Variants in ARHGAP10 observed in about 807,000 individuals in gnomAD.
The protein encoded by ARHGAP10 is rho GTPase-activating protein 10.
Under a neutral mutation model 108.6 loss-of-function variants are expected in ARHGAP10, and 87 were observed. The ratio of observed to expected loss-of-function variants is 0.80; its 90% CI spans 0.67 to 0.96. ARHGAP10 has a LOEUF of 0.96. Among genes scored for constraint, ARHGAP10 ranks in the 40% least tolerant of loss-of-function variants. ARHGAP10 has a pLI of 0.00. For synonymous variants in ARHGAP10, 347 were observed against 341.1 expected (o/e 1.02, Z -0.19); for missense variants, 939 against 954.5 (o/e 0.98, Z 0.21).
chr4:147,873,588 G>C (rs1286787480), intron 7 of ARHGAP10, among the ~76,000 whole-genome samples: 1 of 151,786 alleles, frequency 6.6e-6, no homozygotes, highest in African/African-American at 2.4e-5. Flanking sequence ...CAGTGTGGGA[G>C]GCTGAAGCGG....
Position 147,864,635 on chromosome 4 carries a change from C to A in ARHGAP10, c.487-211C>A, listed in dbSNP as rs1308039954. 8.5e-6 allele frequency: 4 copies of A among 470,998 alleles called. No individual in the cohort carries two copies. The Admixed American group carries it at 1.2e-4, about 14-fold the overall frequency. 29.2% of individuals were successfully genotyped at this position (470,998 alleles called of 1,614,324 possible). On this transcript the variant is annotated intron_variant, in intron 5 of 22. Coordinates refer to ENST00000336498, the MANE Select transcript of ARHGAP10 (RefSeq NM_024605.4). ...TTAGACTTCTGTGGACCATAAAGTTCCTGTTGCACCTGCTCAATTCTGCTG... is the reference window on the plus strand; with the variant it reads ...TTAGACTTCTGTGGACCATAAAGTTACTGTTGCACCTGCTCAATTCTGCTG...
In ARHGAP10 at chr4:148,023,431, T is replaced by C. The variant is rs182701077; in HGVS notation, c.1867+18T>C. ...GGAAGATGGTAAGATGTTAATGATA[T>C]TTTTTGCTTGATAGCATGTTGAGAG... On this transcript the variant is annotated intron_variant, in intron 19 of 22. Coordinates refer to ENST00000336498, the MANE Select transcript of ARHGAP10 (RefSeq NM_024605.4). 7.2e-4 allele frequency: 1,163 copies of C among 1,606,714 alleles called. 10 individuals carry two copies. In the African/African-American group the frequency reaches 0.014, roughly 19 times the overall value.
At chr4:147,941,275 G>C (rs761237577) in intron 14 of ARHGAP10, among the ~76,000 whole-genome samples, 10 of 152,138 alleles carry the variant, frequency 6.6e-5, no homozygotes, top group Non-Finnish European at 8.8e-5. Context: ...TTCAAGGAAA[G>C]TTTGAACAAG....
At chr4:148,040,898 C>CT in intron 19 of ARHGAP10, among the ~76,000 whole-genome samples, 1 of 152,178 alleles carries the variant, frequency 6.6e-6, no homozygotes, top group South Asian at 2.1e-4. Flanking sequence ...TCTGAATGAA[C>CT]TTTATCACAA....
At position 148,050,365 on chromosome 4, in the gene ARHGAP10, CTT is replaced by C. The variant is rs11309245; in HGVS notation, c.2027+3339_2027+3340del. Among the ~76,000 whole-genome samples the C allele has an allele frequency of 1.7e-3, 100 of 59,296 alleles. 1 individual carries two copies. The East Asian group carries it at 0.021, about 12-fold the overall frequency. 38.9% of individuals were successfully genotyped at this position (59,296 alleles called of 152,430 possible). On this transcript the variant is annotated intron_variant, in intron 20 of 22. Coordinates refer to ENST00000336498, the MANE Select transcript of ARHGAP10 (RefSeq NM_024605.4). The stretch of plus-strand genomic sequence containing the variant: ...CATTTGGTTTCTTACTCATCATCAT[CTT>C]TTTTTTTTTTTTTTTTTTTTTTTTA...
chr4:147,768,522 G>T (rs72953496), intron 1 of ARHGAP10, among the ~76,000 whole-genome samples: 1 of 151,818 alleles, frequency 6.6e-6, no homozygotes. Context: ...AGTAATTAAA[G>T]GTTGAGATTT....
intron 15 of ARHGAP10, 61 bp from the exon 16 acceptor site, chr4:147,955,251 TAAAA>T: frequency 6.8e-7 from 1 of 1,461,062 alleles, no homozygotes. Context: ...CATCCTTTCA[TAAAA>T]AAACTCAGAA....
chr4:147,791,187 C>T (rs908449124), intron 1 of ARHGAP10, among the ~76,000 whole-genome samples: 3 of 151,172 alleles, frequency 2.0e-5, no homozygotes, highest in African/African-American at 7.3e-5. Context: ...TCTCAGCTCA[C>T]TGCAGCCTCT....
rs369372130 is a variant in ARHGAP10 at position 148,027,896 on chromosome 4, G to GT, written c.1867+4491dup. ...ATGGAATGCTGTTAGCCATTTGGAA[G>GT]TTTTTTTTGCCTCTACCATTTATTA... On this transcript the variant is annotated intron_variant, in intron 19 of 22. Transcript: ENST00000336498. Among the ~76,000 whole-genome samples, 88 of 151,922 alleles carry GT rather than the reference G, an allele frequency of 5.8e-4. 2 individuals are homozygous for GT. In the East Asian group the frequency reaches 0.014, roughly 25 times the overall value.
At position 148,060,509 on chromosome 4, in the gene ARHGAP10, G is replaced by A. The variant is rs188044703; in HGVS notation, c.2028-2639G>A. Reference sequence around the variant, plus strand: ...TTGCCTCACCTGATCCTTCCCAGCCGACAAGCCTCTGAAAAATTTCCTCTA... The same window carrying A: ...TTGCCTCACCTGATCCTTCCCAGCCAACAAGCCTCTGAAAAATTTCCTCTA... On this transcript the variant is annotated intron_variant, in intron 20 of 22. Coordinates refer to ENST00000336498, the MANE Select transcript of ARHGAP10 (RefSeq NM_024605.4). Among the ~76,000 whole-genome samples, 267 of 152,136 alleles carry A rather than the reference G, an allele frequency of 1.8e-3. 2 individuals carry two copies. Among genetic ancestry groups the A allele is most frequent in the African/African-American group, 6.0e-3 (251 of 41,488 alleles).
At chr4:147,976,569 A>G (rs971549875) in intron 18 of ARHGAP10, among the ~76,000 whole-genome samples, 28 of 148,642 alleles carry the variant, frequency 1.9e-4, no homozygotes, top group African/African-American at 6.7e-4. Context: ...TCTTCTCAGC[A>G]GGGCTTTGCA....
chr4:147,804,362 A>G (rs1422833672), intron 1 of ARHGAP10, among the ~76,000 whole-genome samples: 1 of 152,144 alleles, frequency 6.6e-6, no homozygotes, highest in Non-Finnish European at 1.5e-5. Flanking sequence ...ATATTATTCC[A>G]TGGTGTATAT....
chr4:147,896,864 T>A (rs1736012576), intron 10 of ARHGAP10, among the ~76,000 whole-genome samples: 1 of 152,194 alleles, frequency 6.6e-6, no homozygotes, highest in African/African-American at 2.4e-5. Context: ...TATTTAGAAG[T>A]ATTTTTTAAA....
In ARHGAP10 at chr4:147,801,085, C is replaced by T. The variant is rs551008581; in HGVS notation, c.155-21642C>T. ...CATTTGAAAGTGCTGAGATAACAGG[C>T]GTGAGCCACCGTGCCCAGCCTTATT... On this transcript the variant is annotated intron_variant, in intron 1 of 22. Coordinates refer to ENST00000336498, the MANE Select transcript of ARHGAP10 (RefSeq NM_024605.4). Among the ~76,000 whole-genome samples the T allele has an allele frequency of 1.1e-4, 16 of 152,332 alleles. No individual in the cohort carries two copies. The East Asian group carries it at 2.9e-3, about 28-fold the overall frequency.
At chr4:148,000,198 A>G (rs1740648587) in intron 18 of ARHGAP10, among the ~76,000 whole-genome samples, 1 of 151,622 alleles carries the variant, frequency 6.6e-6, no homozygotes. Context: ...TGTCCTTGCG[A>G]TAGTTTGCTG....
intron 3 of ARHGAP10, among the ~76,000 whole-genome samples, chr4:147,827,437 T>C (rs1056521722): frequency 2.0e-5 from 3 of 152,184 alleles, no homozygotes; most frequent in African/African-American, 4.8e-5. Flanking sequence ...GCAAAGATAA[T>C]GTGGCTCACA....
intron 19 of ARHGAP10, among the ~76,000 whole-genome samples, chr4:148,028,778 G>A (rs749699261): frequency 1.2e-4 from 19 of 152,286 alleles, no homozygotes; most frequent in Non-Finnish European, 2.4e-4. Context: ...GCTTGAATTA[G>A]CACTAGAAAG....
At chr4:148,019,568 G>A (rs1220735756) in intron 18 of ARHGAP10, among the ~76,000 whole-genome samples, 1 of 152,046 alleles carries the variant, frequency 6.6e-6, no homozygotes, top group African/African-American at 2.4e-5. Flanking sequence ...TAACCAACAT[G>A]GTGAAACCCC....
chr4:148,023,463 G>C, intron 19 of ARHGAP10, 50 bp downstream of exon 19: 1 of 1,566,768 alleles, frequency 6.4e-7, no homozygotes, highest in South Asian at 1.2e-5. Context: ...AGAGTATGGC[G>C]TATCATATGT....
Sources: gnomAD v4.1 joint callset for allele counts (sites outside exome capture counted in the v4.1 genomes callset) on GRCh38, gnomAD v4.1.1 for gene constraint, MANE v1.5 for transcripts, NCBI Gene and HGNC (gene_info 2026-07-23, HGNC 2026-07-21) for gene names.